C3AR1: variants seen among roughly 807,000 people sequenced by gnomAD.
C3AR1 encodes the protein C3a anaphylatoxin chemotactic receptor.
For missense variants in C3AR1, 579 were observed against 583.5 expected, an observed-to-expected ratio of 0.99 and a Z score of 0.08; for synonymous variants, 208 against 225.3, an observed-to-expected ratio of 0.92 and a Z score of 0.69.
rs745507400 is a variant in C3AR1 at position 8,059,087 on chromosome 12, G to A, written c.1099C>T (p.Arg367Cys). The change falls in exon 2 of 2, where the codon CGC (arginine) becomes TGC (cysteine). Residue 367 changes from arginine (R) to cysteine (C), a missense_variant. Arg to Cys is a radical substitution (Grantham distance 180). Transcript: ENST00000307637. The part of the protein sequence containing the change: ...SFIVFRMQRG[R>C]FAKSQSKTFR... Reference sequence around the variant, plus strand: ...GTTTTGCTCTGAGACTTGGCGAAGCGGCCCCTTTGCATTCGGAAGACAATG... The same window carrying A: ...GTTTTGCTCTGAGACTTGGCGAAGCAGCCCCTTTGCATTCGGAAGACAATG... 26 of 1,614,012 alleles carry A rather than the reference G, an allele frequency of 1.6e-5. No individual in the cohort carries two copies. The highest frequency in any genetic ancestry group is 6.7e-5 in the African/African-American group (5 of 74,916).
At position 8,059,533 on chromosome 12, in the gene C3AR1, G is replaced by C; in HGVS notation, c.653C>G (p.Thr218Arg). ...GGGGACTGTCCAAGGATGATCATTT[G>C]TTTGGAAAGAGGAAGGATCTAACCT... ...NDRLDPSSFQ[T>R]NDHPWTVPTV... The change falls in exon 2 of 2, where the codon ACA becomes AGA. Residue 218 changes from threonine to arginine, a missense_variant. Transcript: ENST00000307637. The C allele has an allele frequency of 6.2e-7, 1 of 1,614,194 alleles. No homozygotes were observed. The highest frequency in any genetic ancestry group is 8.5e-7 in the Non-Finnish European group (1 of 1,180,028).
At position 8,060,034 on chromosome 12, in the gene C3AR1, T is replaced by C; in HGVS notation, c.152A>G (p.Lys51Arg). The change falls in exon 2 of 2, where the codon AAG becomes AGG. Residue 51 changes from lysine (K) to arginine (R), a missense_variant. Coordinates refer to ENST00000307637, the MANE Select transcript of C3AR1 (RefSeq NM_004054.4). ...NGLVLWVAGL[K>R]MQRTVNTIWF... is the part of the protein sequence containing the mutation. ...AATTGTGTTCACTGTCCGCTGCATC[T>C]TCAGGCCAGCCACCCACAGCACCAG... 6.2e-7 allele frequency: 1 copy of C among 1,614,046 alleles called. No individual in the cohort carries two copies. The highest frequency in any genetic ancestry group is 8.5e-7 in the Non-Finnish European group (1 of 1,180,014).
chr12:8,063,100 G>C (rs1240791291), intron 1 of C3AR1, among the ~76,000 whole-genome samples: 3 of 151,592 alleles, frequency 2.0e-5, no homozygotes, highest in Non-Finnish European at 4.4e-5. Context: ...TGGGATTACA[G>C]GCGTGTACCA....
chr12:8,058,933 T>C lies in C3AR1; in HGVS notation c.1253A>G (p.His418Arg). The C allele has an allele frequency of 3.7e-6, 6 of 1,614,168 alleles. No individual in the cohort carries two copies. Among genetic ancestry groups the C allele is most frequent in the Non-Finnish European group, 4.2e-6 (5 of 1,180,018 alleles). The change falls in exon 2 of 2, where the codon CAT (histidine) becomes CGT (arginine). Residue 418 changes from histidine to arginine, a missense_variant. By Grantham distance (29) the His-to-Arg change is conservative. Transcript: ENST00000307637. ...GGCAGATGCTAGAGCAATGCATACA[T>C]GATCCCAGGACATCAGAGTTTTCCC... is the stretch of plus-strand genomic sequence containing the variant. ...PLGKTLMSWD[H>R]VCIALASANS... is the part of the protein sequence containing the mutation.
At chr12:8,060,584 G>A (rs776568803) in intron 1 of C3AR1, among the ~76,000 whole-genome samples, 1 of 152,246 alleles carries the variant, frequency 6.6e-6, no homozygotes, top group East Asian at 1.9e-4. Flanking sequence ...TAGTAGAGAC[G>A]GGGTTTTGCC....
rs145284552 is a variant in C3AR1 at position 8,056,970 on chromosome 12, C to T, written c.*1767G>A. ...CAAATCTTATGTCAGACATTCTTCACAACTGAAAGAATTCCTAGTGATTTG... is the reference window on the plus strand; with the variant it reads ...CAAATCTTATGTCAGACATTCTTCATAACTGAAAGAATTCCTAGTGATTTG... On this transcript the variant is annotated 3_prime_UTR_variant, in exon 2 of 2. Coordinates refer to ENST00000307637, the MANE Select transcript of C3AR1 (RefSeq NM_004054.4). Among the ~76,000 whole-genome samples the T allele has an allele frequency of 3.4e-3, 519 of 152,304 alleles. 1 individual carries two copies. Among genetic ancestry groups the T allele is most frequent in the African/African-American group, 0.012 (499 of 41,574 alleles).
chr12:8,059,506 GT>G lies in C3AR1; in HGVS notation c.679del (p.Thr227LeufsTer23). The G allele has an allele frequency of 6.2e-7, 1 of 1,614,208 alleles. No homozygotes were observed. Among genetic ancestry groups the G allele is most frequent in the Non-Finnish European group, 8.5e-7 (1 of 1,180,022 alleles). On this transcript the variant is annotated frameshift_variant, in exon 2 of 2. Transcript: ENST00000307637. LOFTEE classifies it low-confidence loss of function (END_TRUNC). ...QTNDHPWTVP[T>X]VFQPQTFQRP... ...TTGAAATGTTTGAGGTTGGAAGACAGTGGGGACTGTCCAAGGATGATCATTT... is the reference window on the plus strand; with the variant it reads ...TTGAAATGTTTGAGGTTGGAAGACAGGGGGACTGTCCAAGGATGATCATTT...
At position 8,058,905 on chromosome 12, in the gene C3AR1, A is replaced by G; in HGVS notation, c.1281T>C (p.Asn427=). 3 of 1,614,146 alleles carry G rather than the reference A, an allele frequency of 1.9e-6. No individual in the cohort carries two copies. Among genetic ancestry groups the G allele is most frequent in the South Asian group, 2.2e-5 (2 of 91,086 alleles). ...DHVCIALASA[N]SCFNPFLYAL... The stretch of plus-strand genomic sequence containing the variant: ...CATAAAGGAAGGGATTAAAGCAACT[A>G]TTGGCAGATGCTAGAGCAATGCATA... Residue 427 remains asparagine, a synonymous_variant, in exon 2 of 2, where the codon AAT becomes AAC. Coordinates refer to ENST00000307637, the MANE Select transcript of C3AR1 (RefSeq NM_004054.4).
rs957537921 is a variant in C3AR1 at position 8,058,662 on chromosome 12, A to G, written c.*75T>C. Reference sequence around the variant, plus strand: ...CAGTTTTTGAAGTCCGCTGCTCACCATATCACTTCATCCTCTTATAAACTT... The same window carrying G: ...CAGTTTTTGAAGTCCGCTGCTCACCGTATCACTTCATCCTCTTATAAACTT... On this transcript the variant is annotated 3_prime_UTR_variant, in exon 2 of 2. Transcript: ENST00000307637. The G allele has an allele frequency of 8.1e-6, 12 of 1,482,414 alleles. No individual in the cohort carries two copies. In the Admixed American group the frequency reaches 1.7e-4, roughly 21 times the overall value. The allele number at this position is 1,482,414 out of a possible 1,614,324, so 91.8% of individuals were successfully genotyped here. A position where few individuals can be genotyped will look rare whatever the true frequency, so the allele number is the denominator to read the frequency against.
At chr12:8,060,817 C>T (rs1442451262) in intron 1 of C3AR1, among the ~76,000 whole-genome samples, 7 of 152,156 alleles carry the variant, frequency 4.6e-5, no homozygotes, top group Non-Finnish European at 1.5e-5. Flanking sequence ...TTGGTTTTTC[C>T]ACTGGCTCCT....
chr12:8,065,180 AAG>A (rs1947318699), intron 1 of C3AR1, among the ~76,000 whole-genome samples: 1 of 151,972 alleles, frequency 6.6e-6, no homozygotes, highest in Non-Finnish European at 1.5e-5. Flanking sequence ...TAAAAAAAAA[AAG>A]ATATATGGTA....
chr12:8,059,373 A>C lies in C3AR1; in HGVS notation c.813T>G (p.Ser271Arg). 1 of 1,614,216 alleles carries C rather than the reference A, an allele frequency of 6.2e-7. No individual in the cohort carries two copies. The highest frequency in any genetic ancestry group is 8.5e-7 in the Non-Finnish European group (1 of 1,180,034). Residue 271 changes from serine (S) to arginine (R), a missense_variant, in exon 2 of 2, where the codon AGT becomes AGG. Transcript: ENST00000307637. The part of the protein sequence containing the change: ...PADVVSPKIP[S>R]GFPIEDHETS... ...TTTCGTGATCTTCAATAGGAAACCC[A>C]CTGGGGATTTTAGGTGAGACCACAT...
rs1182102160 is a variant in C3AR1 at position 8,060,199 on chromosome 12, C to A, written c.-10-4G>T. 2.6e-6 allele frequency: 4 copies of A among 1,558,572 alleles called. No homozygotes were observed. The Admixed American group carries it at 6.1e-5, about 24-fold the overall frequency. ...GAAAGACGCCATTGCTAAACTTCTG[C>A]AAAAAGATGAAAAAAATGTTAAAAC... On this transcript the variant is annotated splice_region_variant and splice_polypyrimidine_tract_variant and intron_variant, in intron 1 of 1. Transcript: ENST00000307637.
In C3AR1 at chr12:8,058,652, G is replaced by T; in HGVS notation, c.*85C>A. On this transcript the variant is annotated 3_prime_UTR_variant, in exon 2 of 2. Transcript: ENST00000307637. ...GATTCTTTGACAGTTTTTGAAGTCC[G>T]CTGCTCACCATATCACTTCATCCTC... 7.0e-7 allele frequency: 1 copy of T among 1,425,654 alleles called. No homozygotes were observed. The highest frequency in any genetic ancestry group is 9.5e-7 in the Non-Finnish European group (1 of 1,051,162). 88.3% of individuals were successfully genotyped at this position (1,425,654 alleles called of 1,614,324 possible). A position where few individuals can be genotyped will look rare whatever the true frequency, so the allele number is the denominator to read the frequency against.
At position 8,057,319 on chromosome 12, in the gene C3AR1, A is replaced by G. The variant is rs912215397; in HGVS notation, c.*1418T>C. On this transcript the variant is annotated 3_prime_UTR_variant, in exon 2 of 2. Coordinates refer to ENST00000307637, the MANE Select transcript of C3AR1 (RefSeq NM_004054.4). The stretch of plus-strand genomic sequence containing the variant: ...GTAGAAGAAAAATATGTGGTCATGA[A>G]TGAATTAAAATATGGTTATTAATGA... Among the ~76,000 whole-genome samples, 2 of 152,240 alleles carry G rather than the reference A, an allele frequency of 1.3e-5. No individual in the cohort carries two copies. The highest frequency in any genetic ancestry group is 4.8e-5 in the African/African-American group (2 of 41,474).
chr12:8,060,096 G>A lies in C3AR1; in HGVS notation c.90C>T (p.Leu30=), dbSNP rs1260884217. 3 of 1,614,158 alleles carry A rather than the reference G, an allele frequency of 1.9e-6. No individual in the cohort carries two copies. Among genetic ancestry groups the A allele is most frequent in the Admixed American group, 1.7e-5 (1 of 60,022 alleles). Reference sequence around the variant, plus strand: ...GCAATCCCAGTAAAAAAGTAAGGCTGAGAATGACCATGGAGAGAATTACTG... The same window carrying A: ...GCAATCCCAGTAAAAAAGTAAGGCTAAGAATGACCATGGAGAGAATTACTG... The part of the protein sequence containing the change: ...EPPVILSMVI[L]SLTFLLGLPG... The change falls in exon 2 of 2, where the codon CTC becomes CTT. Residue 30 remains leucine, a synonymous_variant. Coordinates refer to ENST00000307637, the MANE Select transcript of C3AR1 (RefSeq NM_004054.4).
intron 1 of C3AR1, among the ~76,000 whole-genome samples, chr12:8,061,234 A>G (rs933502785): frequency 2.0e-5 from 3 of 152,214 alleles, no homozygotes; most frequent in Non-Finnish European, 2.9e-5. Context: ...CAAAAGCAAA[A>G]AATATGCATG....
intron 1 of C3AR1, 47 bp downstream of exon 1, chr12:8,066,231 C>A (rs1311258029): frequency 6.6e-6 from 1 of 152,228 alleles, no homozygotes; most frequent in East Asian, 1.9e-4. Context: ...CTATAATGAG[C>A]AAAACAGGCT....
chr12:8,063,561 C>G (rs11567793), intron 1 of C3AR1, among the ~76,000 whole-genome samples: 1 of 152,140 alleles, frequency 6.6e-6, no homozygotes, highest in African/African-American at 2.4e-5. Flanking sequence ...ATGCCCTTCA[C>G]CAAGTCTTCA....
Sources: allele counts gnomAD v4.1 joint callset (sites outside exome capture counted in the v4.1 genomes callset), GRCh38; gene constraint gnomAD v4.1.1; transcripts MANE v1.5; gene names NCBI Gene and HGNC (gene_info 2026-07-23, HGNC 2026-07-21).